The following AFAP1L2 variants were observed in gnomAD, a reference collection of about 807,000 sequenced individuals.
The protein encoded by AFAP1L2 is actin filament-associated protein 1-like 2.
AFAP1L2 carries 46 observed loss-of-function variants against 99.3 expected under a neutral mutation model. The observed-to-expected ratio is 0.46, with a 90% CI of 0.37 to 0.59. The LOEUF is 0.59. Ranked by LOEUF, AFAP1L2 falls within the 20% of genes least tolerant of loss-of-function variation. The probability of loss-of-function intolerance (pLI) is 0.00; values close to 1 mark genes in which losing one functional copy is unlikely to be tolerated. For missense variants in AFAP1L2, 959 were observed against 1,034.9 expected (o/e 0.93, Z 1.01); for synonymous variants, 397 against 419.1 (o/e 0.95, Z 0.64).
At chr10:114,286,084 A>C in the AFAP1L2 span, 3 of 1,614,050 alleles carry the variant, frequency 1.9e-6, no homozygotes, top group Non-Finnish European at 2.5e-6. Context: ...CTCGGGCCCG[A>C]GTGGGTGTGG....
the AFAP1L2 span, chr10:114,282,680 C>T: frequency 1.0e-6 from 1 of 956,082 alleles, no homozygotes; most frequent in Non-Finnish European, 1.7e-6. Context: ...GTGACTGGCT[C>T]CAGGGCAGAG....
chr10:114,284,758 G>A, the AFAP1L2 span: 1 of 1,046,630 alleles, frequency 9.6e-7, no homozygotes, highest in Non-Finnish European at 1.4e-6. Flanking sequence ...GGGAGGGGCT[G>A]GGCCACTGCT....
chr10:114,343,352 C>G (rs1266725302), intron 1 of AFAP1L2, among the ~76,000 whole-genome samples: 1 of 152,240 alleles, frequency 6.6e-6, no homozygotes. Flanking sequence ...TCACTCTGCT[C>G]CAGACCAGCA....
chr10:114,291,905 G>A (rs902484202), downstream of AFAP1L2, among the ~76,000 whole-genome samples: 4 of 152,190 alleles, frequency 2.6e-5, no homozygotes, highest in Non-Finnish European at 5.9e-5. Flanking sequence ...GGCTGAGTGT[G>A]CAATGGGCCC....
At chr10:114,384,609 G>T (rs79900504) in intron 1 of AFAP1L2, among the ~76,000 whole-genome samples, 4 of 152,106 alleles carry the variant, frequency 2.6e-5, no homozygotes, top group Non-Finnish European at 5.9e-5. Context: ...GAAAGTACTC[G>T]CCTTCTTCTG....
At chr10:114,386,964 C>G (rs1038481789) in intron 1 of AFAP1L2, among the ~76,000 whole-genome samples, 2 of 152,228 alleles carry the variant, frequency 1.3e-5, no homozygotes, top group African/African-American at 2.4e-5. Context: ...GACTGAATCC[C>G]TTACTGAGCC....
chr10:114,347,412 C>A (rs1238332609), intron 1 of AFAP1L2, among the ~76,000 whole-genome samples: 1 of 152,230 alleles, frequency 6.6e-6, no homozygotes, highest in Non-Finnish European at 1.5e-5. Context: ...CAGCCTTTAG[C>A]ACGTATCTAC....
chr10:114,370,425 A>G (rs947191114), intron 1 of AFAP1L2, among the ~76,000 whole-genome samples: 4 of 152,214 alleles, frequency 2.6e-5, no homozygotes, highest in African/African-American at 7.2e-5. Context: ...CCACCCTCAC[A>G]TGAACAGGAT....
At chr10:114,382,227 G>A (rs917300959) in intron 1 of AFAP1L2, among the ~76,000 whole-genome samples, 8 of 152,026 alleles carry the variant, frequency 5.3e-5, no homozygotes, top group Non-Finnish European at 1.5e-5. Context: ...ATTCATGGAC[G>A]TGTTGTTTGT....
downstream of AFAP1L2, chr10:114,289,974 A>C (rs1480576606): frequency 3.6e-6 from 1 of 276,592 alleles, no homozygotes; most frequent in East Asian, 7.6e-5. Flanking sequence ...CCTGGGCAAC[A>C]AGAGCAAGAT....
chr10:114,300,707 G>A lies in AFAP1L2; in HGVS notation c.1543-17C>T. On this transcript the variant is annotated splice_polypyrimidine_tract_variant and intron_variant, in intron 13 of 18. Coordinates refer to ENST00000304129, the MANE Select transcript of AFAP1L2 (RefSeq NM_001001936.3). ...AGGCTCCACCTGCAGGAGAGAGTGA[G>A]TCTGGGGCATTCAACATTACCTCTA... is the stretch of plus-strand genomic sequence containing the variant. The A allele has an allele frequency of 1.3e-6, 2 of 1,566,402 alleles. No individual in the cohort carries two copies. Among genetic ancestry groups the A allele is most frequent in the Non-Finnish European group, 8.7e-7 (1 of 1,154,910 alleles).
intron 18 of AFAP1L2, 125 bp from the exon 19 acceptor site, chr10:114,296,193 A>T: frequency 7.4e-7 from 1 of 1,349,486 alleles, no homozygotes; most frequent in Non-Finnish European, 1.1e-6. Flanking sequence ...GAGGTGATAA[A>T]TGTTTCAAAC....
At chr10:114,316,302 G>C (rs888327259) in intron 5 of AFAP1L2, among the ~76,000 whole-genome samples, 1 of 152,236 alleles carries the variant, frequency 6.6e-6, no homozygotes, top group Admixed American at 6.5e-5. Flanking sequence ...GCCTGGCTCA[G>C]TCCTAGATCT....
At chr10:114,331,593 AC>A (rs2047241054) in intron 4 of AFAP1L2, among the ~76,000 whole-genome samples, 1 of 152,090 alleles carries the variant, frequency 6.6e-6, no homozygotes, top group African/African-American at 2.4e-5. Context: ...CAGACCCATC[AC>A]CCTCAGCATC....
At chr10:114,294,785 C>CA, downstream of AFAP1L2, 1 of 972,376 alleles carries the variant, frequency 1.0e-6, no homozygotes, top group Non-Finnish European at 1.2e-6. Flanking sequence ...GAGAACCCCC[C>CA]AGGCCCTGCC....
At chr10:114,385,484 C>G (rs1210291145) in intron 1 of AFAP1L2, among the ~76,000 whole-genome samples, 6 of 152,154 alleles carry the variant, frequency 3.9e-5, no homozygotes, top group African/African-American at 1.4e-4. Context: ...TCAAGCTAGA[C>G]CAGGCAGCAG....
intron 1 of AFAP1L2, among the ~76,000 whole-genome samples, chr10:114,390,580 G>C (rs1445499729): frequency 1.3e-5 from 2 of 152,050 alleles, no homozygotes. Flanking sequence ...AGTTAGCCAG[G>C]CATGGTGGCA....
intron 1 of AFAP1L2, among the ~76,000 whole-genome samples, chr10:114,350,601 A>G (rs1314702520): frequency 6.6e-6 from 1 of 152,208 alleles, no homozygotes; most frequent in Non-Finnish European, 1.5e-5. Context: ...AGGGCTCACA[A>G]GTCCCATCTG....
Position 114,313,988 on chromosome 10 carries a change from G to A in AFAP1L2, c.675C>T (p.Val225=). 1 of 1,614,096 alleles carries A rather than the reference G, an allele frequency of 6.2e-7. No homozygotes were observed. Among genetic ancestry groups the A allele is most frequent in the Non-Finnish European group, 8.5e-7 (1 of 1,180,016 alleles). Residue 225 remains valine, a synonymous_variant, in exon 7 of 19, where the codon GTC becomes GTT. Transcript: ENST00000304129. ...TCCGCACTTGCTTCTCCTTGTGAAT[G>A]ACGCTGCTGCCCAGTAGGTTCACGT... ...QLDVNLLGSS[V]IHKEKQVRKK...
Sources: allele counts gnomAD v4.1 joint callset (sites outside exome capture counted in the v4.1 genomes callset), GRCh38; gene constraint gnomAD v4.1.1; transcripts MANE v1.5; gene names NCBI Gene and HGNC (gene_info 2026-07-23, HGNC 2026-07-21).